PTPRT: variants seen among roughly 807,000 people sequenced by gnomAD.
PTPRT encodes protein tyrosine phosphatase receptor type T.
PTPRT carries 56 observed loss-of-function variants against 176.8 expected under a neutral mutation model. The ratio of observed to expected loss-of-function variants is 0.32; its 90% CI spans 0.26 to 0.40. The LOEUF (loss-of-function observed/expected upper bound fraction) is 0.40, where lower values mean the gene tolerates loss of function less well. Among genes scored for constraint, PTPRT ranks in the 10% least tolerant of loss-of-function variants. The pLI, the probability that PTPRT is intolerant of heterozygous loss-of-function variation, is 1.00. For synonymous variants in PTPRT, 783 were observed against 739.0 expected (o/e 1.06, Z -0.96); for missense variants, 1,540 against 1,908.2 (o/e 0.81, Z 3.60).
intron 11 of PTPRT, among the ~76,000 whole-genome samples, chr20:42,340,385 T>C (rs552783337): frequency 1.3e-5 from 2 of 152,306 alleles, no homozygotes; most frequent in African/African-American, 4.8e-5. Context: ...TAGCAAACCC[T>C]AAGCAGCTGT....
At chr20:42,310,488 A>G (rs1286168881) in intron 12 of PTPRT, among the ~76,000 whole-genome samples, 4 of 152,224 alleles carry the variant, frequency 2.6e-5, no homozygotes, top group Non-Finnish European at 4.4e-5. Context: ...TCAAGGAGAC[A>G]GAATTTAGCT....
At chr20:42,466,944 G>A (rs2071111411) in intron 8 of PTPRT, among the ~76,000 whole-genome samples, 1 of 152,098 alleles carries the variant, frequency 6.6e-6, no homozygotes, top group Non-Finnish European at 1.5e-5. Flanking sequence ...AAGGACCTGG[G>A]AATCAGCTTG....
Position 42,578,360 on chromosome 20 carries a change from T to TA in PTPRT, c.1153+99505dup, listed in dbSNP as rs544744666. On this transcript the variant is annotated intron_variant, in intron 7 of 30. Coordinates refer to ENST00000373187, the MANE Select transcript of PTPRT (RefSeq NM_007050.6). ...TATAAAAGCTGAGGCTCAGAGACAG[T>TA]AAGTATTTTTCTGAGGGTCACAGAA... 8.0e-4 allele frequency among the ~76,000 whole-genome samples: 122 copies of TA among 152,178 alleles called. 1 individual carries two copies. Among genetic ancestry groups the TA allele is most frequent in the Admixed American group, 6.5e-3 (100 of 15,286 alleles).
intron 15 of PTPRT, among the ~76,000 whole-genome samples, chr20:42,233,124 A>C (rs1163124751): frequency 1.3e-5 from 2 of 152,118 alleles, no homozygotes; most frequent in Non-Finnish European, 2.9e-5. Flanking sequence ...CCTAGCCCTT[A>C]GCCCTCTGTT....
intron 7 of PTPRT, among the ~76,000 whole-genome samples, chr20:42,575,854 G>A (rs866474640): frequency 9.9e-5 from 15 of 152,144 alleles, no homozygotes; most frequent in Middle Eastern, 3.4e-3. Flanking sequence ...ATCTTCTGTT[G>A]CCTAGATGAC....
At chr20:43,018,963 AT>A (rs1985508427) in intron 1 of PTPRT, among the ~76,000 whole-genome samples, 1 of 152,258 alleles carries the variant, frequency 6.6e-6, no homozygotes, top group Non-Finnish European at 1.5e-5. Context: ...CTGCTGATCC[AT>A]TCATTTCACT....
chr20:42,453,837 A>ATTT (rs11482073), intron 8 of PTPRT, among the ~76,000 whole-genome samples: 3 of 141,070 alleles, frequency 2.1e-5, no homozygotes, highest in African/African-American at 5.2e-5. Flanking sequence ...CGCCCGGCTA[A>ATTT]TTTTTTTTTT....
intron 1 of PTPRT, among the ~76,000 whole-genome samples, chr20:43,111,000 A>G (rs542398185): frequency 3.3e-5 from 5 of 152,184 alleles, no homozygotes; most frequent in Non-Finnish European, 5.9e-5. Flanking sequence ...AATCCATCCA[A>G]TATTTATCAT....
chr20:42,041,900 C>T, the PTPRT span, among the ~76,000 whole-genome samples: 2 of 152,058 alleles, frequency 1.3e-5, no homozygotes, highest in Admixed American at 6.6e-5. Context: ...TTGATTCTAG[C>T]TCCTTCCTTC....
chr20:42,648,685 T>A (rs1242053722), intron 7 of PTPRT, among the ~76,000 whole-genome samples: 1 of 152,054 alleles, frequency 6.6e-6, no homozygotes, highest in Non-Finnish European at 1.5e-5. Flanking sequence ...TAAATCATGC[T>A]TCTTGGAGGG....
intron 6 of PTPRT, among the ~76,000 whole-genome samples, chr20:42,729,326 CAG>C (rs1459787317): frequency 1.3e-5 from 2 of 152,124 alleles, no homozygotes; most frequent in Non-Finnish European, 2.9e-5. Context: ...GAGAAAAAAA[CAG>C]AGGAAATTTT....
chr20:42,104,443 T>C lies in PTPRT; in HGVS notation c.3540+126A>G. The C allele has an allele frequency of 3.6e-6, 4 of 1,114,846 alleles. 1 individual carries two copies. Among genetic ancestry groups the C allele is most frequent in the Non-Finnish European group, 5.0e-6 (4 of 806,904 alleles). The allele number at this position is 1,114,846 out of a possible 1,614,324, so 69.1% of individuals were successfully genotyped here. A position where few individuals can be genotyped will look rare whatever the true frequency, so the allele number is the denominator to read the frequency against. On this transcript the variant is annotated intron_variant, in intron 25 of 30. Transcript: ENST00000373187. Reference sequence around the variant, plus strand: ...ACTGGATTTACTGGAAGCTTGATGCTGGGCTTCTCAGCCTCCAGAAATGTA... The same window carrying C: ...ACTGGATTTACTGGAAGCTTGATGCCGGGCTTCTCAGCCTCCAGAAATGTA...
chr20:42,290,943 C>T lies in PTPRT; in HGVS notation c.2140-8418G>A, dbSNP rs938199049. 1.2e-4 allele frequency among the ~76,000 whole-genome samples: 18 copies of T among 152,240 alleles called. No individual in the cohort carries two copies. In the East Asian group the frequency reaches 2.1e-3, roughly 18 times the overall value. ...AGAAGCCCTAGGTACCTGGCTAATACATACAATTCTTACTTTACTGCTCTA... is the reference window on the plus strand; with the variant it reads ...AGAAGCCCTAGGTACCTGGCTAATATATACAATTCTTACTTTACTGCTCTA... On this transcript the variant is annotated intron_variant, in intron 12 of 30. Coordinates refer to ENST00000373187, the MANE Select transcript of PTPRT (RefSeq NM_007050.6).
At chr20:42,482,978 T>G (rs187278095) in intron 7 of PTPRT, among the ~76,000 whole-genome samples, 1 of 152,224 alleles carries the variant, frequency 6.6e-6, no homozygotes, top group African/African-American at 2.4e-5. Flanking sequence ...GCATGTGTTT[T>G]GAAGGAAATA....
At chr20:42,750,174 A>G (rs188478968) in intron 6 of PTPRT, among the ~76,000 whole-genome samples, 9 of 152,308 alleles carry the variant, frequency 5.9e-5, no homozygotes, top group Non-Finnish European at 8.8e-5. Flanking sequence ...TATGTACAGA[A>G]TATCATTCCT....
At chr20:42,873,046 C>G (rs1301745350) in intron 2 of PTPRT, among the ~76,000 whole-genome samples, 1 of 152,204 alleles carries the variant, frequency 6.6e-6, no homozygotes, top group Admixed American at 6.5e-5. Flanking sequence ...CCTGAGGTAG[C>G]TCTGTTGTTA....
intron 8 of PTPRT, among the ~76,000 whole-genome samples, chr20:42,472,046 G>C (rs1271775487): frequency 1.1e-4 from 17 of 152,214 alleles, no homozygotes; most frequent in Admixed American, 1.1e-3. Context: ...CCAAAGCTGA[G>C]TGCAAGTCTA....
intron 1 of PTPRT, among the ~76,000 whole-genome samples, chr20:43,131,837 A>G (rs1423799727): frequency 1.3e-5 from 2 of 152,190 alleles, no homozygotes; most frequent in Non-Finnish European, 2.9e-5. Flanking sequence ...TCATCCCCCA[A>G]ACACAGGCTA....
chr20:42,715,396 G>T (rs751068341), intron 6 of PTPRT, among the ~76,000 whole-genome samples: 6 of 152,250 alleles, frequency 3.9e-5, no homozygotes, highest in Non-Finnish European at 8.8e-5. Flanking sequence ...AAATATTTTT[G>T]AAAGATTTAA....
Sources: allele counts gnomAD v4.1 joint callset (sites outside exome capture counted in the v4.1 genomes callset), GRCh38; gene constraint gnomAD v4.1.1; transcripts MANE v1.5; gene names NCBI Gene and HGNC (gene_info 2026-07-23, HGNC 2026-07-21).